The following PRSS58 variants were observed in gnomAD, a reference collection of about 807,000 sequenced individuals.
PRSS58 encodes serine protease 58.
PRSS58 carries 31 observed loss-of-function variants against 25.0 expected under a neutral mutation model. The ratio of observed to expected loss-of-function variants is 1.24; its 90% CI spans 0.93 to 1.67. The LOEUF (loss-of-function observed/expected upper bound fraction) is 1.67, where lower values mean the gene tolerates loss of function less well. Ranked by LOEUF, PRSS58 falls within the 40% of genes most tolerant of loss-of-function variation. PRSS58 has a pLI of 0.00. For synonymous variants in PRSS58, 119 were observed against 106.1 expected (o/e 1.12, Z -0.75); for missense variants, 324 against 287.9 (o/e 1.13, Z -0.91).
Position 142,252,549 on chromosome 7 carries a change from C to T in PRSS58, c.499G>A (p.Asp167Asn), listed in dbSNP as rs149180097. ...GTGATGTTGTAGGTTTTATAGGCAT[C>T]GCGACACTGAGGCTTGGAGATTACA... The part of the protein sequence containing the change: ...ISVISKPQCR[D>N]AYKTYNITEN... The change falls in exon 5 of 6, where the codon GAT becomes AAT. Residue 167 changes from aspartate to asparagine, a missense_variant. By Grantham distance (23) the Asp-to-Asn change is conservative (BLOSUM62 1). Coordinates refer to ENST00000547058, the MANE Select transcript of PRSS58 (RefSeq NM_001001317.5). 6 of 1,613,990 alleles carry T rather than the reference C, an allele frequency of 3.7e-6. No individual in the cohort carries two copies. Among genetic ancestry groups the T allele is most frequent in the East Asian group, 2.2e-5 (1 of 44,898 alleles).
Position 142,254,887 on chromosome 7 carries a change from A to T in PRSS58, c.436+168T>A, listed in dbSNP as rs192726943. ...TGATAGAAAGATACAGCGGGTGAAT[A>T]AAAAAAACCCAAAAACCTTGAAGCA... On this transcript the variant is annotated intron_variant, in intron 4 of 5. Coordinates refer to ENST00000547058, the MANE Select transcript of PRSS58 (RefSeq NM_001001317.5). Among the ~76,000 whole-genome samples, 846 of 103,784 alleles carry T rather than the reference A, an allele frequency of 8.2e-3. 5 individuals are homozygous for T. Among genetic ancestry groups the T allele is most frequent in the Middle Eastern group, 0.024 (5 of 206 alleles). The allele number at this position is 103,784 out of a possible 152,430, so 68.1% of individuals were successfully genotyped here.
chr7:142,255,600 G>T lies in PRSS58; in HGVS notation c.114C>A (p.Tyr38Ter), dbSNP rs1447269407. ...PPYLVYLKSDYLPCAGVLIHP... is the reference protein window; with the variant it reads ...PPYLVYLKSD ...GGATCAGGACTCCAGCGCAGGGCAA[G>T]TAGTCAGATTTCAAATAGACCAAGT... is the stretch of plus-strand genomic sequence containing the variant. Residue 38 changes from tyrosine to a stop codon, truncating the protein, a stop_gained, in exon 3 of 6, where the codon TAC becomes TAA. Coordinates refer to ENST00000547058, the MANE Select transcript of PRSS58 (RefSeq NM_001001317.5). LOFTEE classifies it high-confidence loss of function. 1.2e-6 allele frequency: 2 copies of T among 1,613,982 alleles called. No individual in the cohort carries two copies. The highest frequency in any genetic ancestry group is 1.3e-5 in the African/African-American group (1 of 74,932).
At chr7:142,254,265 C>A (rs1798517161) in intron 4 of PRSS58, among the ~76,000 whole-genome samples, 1 of 152,138 alleles carries the variant, frequency 6.6e-6, no homozygotes. Flanking sequence ...TCGTAATTAG[C>A]AACTATAGAC....
intron 4 of PRSS58, among the ~76,000 whole-genome samples, chr7:142,253,845 A>G (rs1300873237): frequency 1.3e-5 from 2 of 152,188 alleles, no homozygotes; most frequent in Non-Finnish European, 2.9e-5. Context: ...AATCAAACAT[A>G]CTGCTCACAG....
chr7:142,255,665 C>G lies in PRSS58; in HGVS notation c.49G>C (p.Ala17Pro). Residue 17 changes from alanine to proline, a missense_variant, in exon 3 of 6, where the codon GCC becomes CCC. By Grantham distance (27) the Ala-to-Pro change is conservative (BLOSUM62 -1). Coordinates refer to ENST00000547058, the MANE Select transcript of PRSS58 (RefSeq NM_001001317.5). The part of the protein sequence containing the change: ...WALLNLTVAL[A>P]FNPDYTVSST... ...CTGACTGTGTAATCTGGATTAAAGGCCAAAGCAACTGGAAAGAGAAGCATA... is the reference window on the plus strand; with the variant it reads ...CTGACTGTGTAATCTGGATTAAAGGGCAAAGCAACTGGAAAGAGAAGCATA... 1 of 1,606,288 alleles carries G rather than the reference C, an allele frequency of 6.2e-7. No homozygotes were observed. Among genetic ancestry groups the G allele is most frequent in the Non-Finnish European group, 8.5e-7 (1 of 1,175,990 alleles).
At chr7:142,255,931 C>T (rs1798549117) in intron 2 of PRSS58, among the ~76,000 whole-genome samples, 1 of 152,154 alleles carries the variant, frequency 6.6e-6, no homozygotes, top group South Asian at 2.1e-4. Flanking sequence ...TCTTAAATAC[C>T]TTCCACAATT....
intron 2 of PRSS58, among the ~76,000 whole-genome samples, chr7:142,255,991 T>A (rs1301025064): frequency 1.3e-5 from 2 of 152,188 alleles, no homozygotes; most frequent in African/African-American, 4.8e-5. Context: ...TTTTTACCAA[T>A]TTTAGAATGC....
intron 4 of PRSS58, 103 bp from the exon 5 acceptor site, chr7:142,252,714 C>A: frequency 7.9e-7 from 1 of 1,269,632 alleles, no homozygotes; most frequent in Non-Finnish European, 1.1e-6. Flanking sequence ...TAAAAGAGAT[C>A]AAACATTCAG....
chr7:142,252,541 A>G lies in PRSS58; in HGVS notation c.507T>C (p.Tyr169=), dbSNP rs368399686. 4 of 1,614,098 alleles carry G rather than the reference A, an allele frequency of 2.5e-6. No individual in the cohort carries two copies. The highest frequency in any genetic ancestry group is 2.7e-5 in the African/African-American group (2 of 74,946). ...VISKPQCRDA[Y]KTYNITENML... is the part of the protein sequence containing the mutation. ...TATTTTCCGTGATGTTGTAGGTTTT[A>G]TAGGCATCGCGACACTGAGGCTTGG... is the stretch of plus-strand genomic sequence containing the variant. Residue 169 remains tyrosine (Y), a synonymous_variant, in exon 5 of 6, where the codon TAT becomes TAC. Transcript: ENST00000547058.
rs1798580308 is a variant in PRSS58, at chr7:142,257,641, TAA to T, written c.40+25_40+26del. The stretch of plus-strand genomic sequence containing the variant: ...TTTCCCAGGATTTCTCTTTGGTGGG[TAA>T]AGAGACAAATATGCACACACTCACC... On this transcript the variant is annotated intron_variant, in intron 2 of 5. Coordinates refer to ENST00000547058, the MANE Select transcript of PRSS58 (RefSeq NM_001001317.5). 2.5e-6 allele frequency: 4 copies of T among 1,587,784 alleles called. No homozygotes were observed. The South Asian group carries it at 4.4e-5, about 18-fold the overall frequency.
At chr7:142,253,609 G>A (rs891416574) in intron 4 of PRSS58, among the ~76,000 whole-genome samples, 1 of 149,996 alleles carries the variant, frequency 6.7e-6, no homozygotes, top group South Asian at 2.1e-4. Context: ...AATAATGGAA[G>A]AGTATGTTTA....
intron 2 of PRSS58, among the ~76,000 whole-genome samples, chr7:142,257,101 G>C (rs1310861747): frequency 6.6e-6 from 1 of 152,184 alleles, no homozygotes; most frequent in Admixed American, 6.5e-5. Context: ...AGAACCTGTA[G>C]AGTGTAGAAG....
Position 142,255,356 on chromosome 7 carries a change from T to A in PRSS58, c.180-45A>T, listed in dbSNP as rs189141999. 3 of 1,597,758 alleles carry A rather than the reference T, an allele frequency of 1.9e-6. No individual in the cohort carries two copies. The South Asian group carries it at 3.4e-5, about 18-fold the overall frequency. On this transcript the variant is annotated intron_variant, in intron 3 of 5. Coordinates refer to ENST00000547058, the MANE Select transcript of PRSS58 (RefSeq NM_001001317.5). ...TATGAGAGGACTTAACAGAGATGGCTTCTCCATCATTATGAGCCTCTATTA... is the reference window on the plus strand; with the variant it reads ...TATGAGAGGACTTAACAGAGATGGCATCTCCATCATTATGAGCCTCTATTA...
intron 4 of PRSS58, among the ~76,000 whole-genome samples, chr7:142,253,742 T>C (rs1798508592): frequency 6.6e-6 from 1 of 152,162 alleles, no homozygotes; most frequent in African/African-American, 2.4e-5. Context: ...CTGTAGGAAA[T>C]GCTTACTTAA....
In PRSS58 at chr7:142,252,159, A is replaced by G. The variant is rs1362060186; in HGVS notation, c.*62T>C. On this transcript the variant is annotated 3_prime_UTR_variant, in exon 6 of 6. Coordinates refer to ENST00000547058, the MANE Select transcript of PRSS58 (RefSeq NM_001001317.5). The stretch of plus-strand genomic sequence containing the variant: ...GGGGCAATGTGAGGAGTTAATTTAT[A>G]TTTAATTCTAAAGGTGAACGATGGG... The G allele has an allele frequency of 2.0e-6, 3 of 1,506,930 alleles. No individual in the cohort carries two copies. Among genetic ancestry groups the G allele is most frequent in the African/African-American group, 1.4e-5 (1 of 71,262 alleles). The allele number at this position is 1,506,930 out of a possible 1,614,324, so 93.3% of individuals were successfully genotyped here.
chr7:142,253,592 T>C (rs1268126119), intron 4 of PRSS58, among the ~76,000 whole-genome samples: 2 of 151,968 alleles, frequency 1.3e-5, no homozygotes, highest in East Asian at 3.9e-4. Flanking sequence ...AAGATTTTGG[T>C]TTTTTTAATA....
At position 142,252,246 on chromosome 7, in the gene PRSS58, A is replaced by T; in HGVS notation, c.701T>A (p.Ile234Asn). The stretch of plus-strand genomic sequence containing the variant: ...TCAGTTATTTTGGATTACATTTTCA[A>T]TCCAGGGTATATAGTAAAAAATTTT... ...YAKIFYYIPW[I>N]ENVIQNN Residue 234 changes from isoleucine (I) to asparagine (N), a missense_variant, in exon 6 of 6, where the codon ATT (isoleucine) becomes AAT (asparagine). Coordinates refer to ENST00000547058, the MANE Select transcript of PRSS58 (RefSeq NM_001001317.5). 6.2e-7 allele frequency: 1 copy of T among 1,613,268 alleles called. No individual in the cohort carries two copies. The highest frequency in any genetic ancestry group is 8.5e-7 in the Non-Finnish European group (1 of 1,179,748).
In PRSS58 at chr7:142,257,751, G is replaced by A. The variant is rs762890017; in HGVS notation, c.-41-3C>T. On this transcript the variant is annotated splice_polypyrimidine_tract_variant and splice_region_variant and intron_variant, in intron 1 of 5. Coordinates refer to ENST00000547058, the MANE Select transcript of PRSS58 (RefSeq NM_001001317.5). ...GTTTAGCTCCAGTCTCTGGAAAACT[G>A]GGAAGAGAGAGAGAAAACAACTAAA... 5 of 1,514,696 alleles carry A rather than the reference G, an allele frequency of 3.3e-6. No homozygotes were observed. Among genetic ancestry groups the A allele is most frequent in the South Asian group, 1.1e-5 (1 of 88,020 alleles). 93.8% of individuals were successfully genotyped at this position (1,514,696 alleles called of 1,614,324 possible). A position where few individuals can be genotyped will look rare whatever the true frequency, so the allele number is the denominator to read the frequency against.
chr7:142,257,025 G>T (rs997597092), intron 2 of PRSS58, among the ~76,000 whole-genome samples: 1 of 152,152 alleles, frequency 6.6e-6, no homozygotes, highest in Non-Finnish European at 1.5e-5. Flanking sequence ...ACTCGGCCTT[G>T]TTTCCTGAGT....
Sources: allele counts gnomAD v4.1 joint callset (sites outside exome capture counted in the v4.1 genomes callset), GRCh38; gene constraint gnomAD v4.1.1; transcripts MANE v1.5; gene names NCBI Gene and HGNC (gene_info 2026-07-23, HGNC 2026-07-21).